HAS2: variants seen among roughly 807,000 people sequenced by gnomAD.
The protein encoded by HAS2 is HA synthase 2.
In HAS2, 16 loss-of-function variants were observed where a neutral mutation model predicts 51.6. The ratio of observed to expected loss-of-function variants is 0.31; its 90% CI spans 0.21 to 0.47. The LOEUF (loss-of-function observed/expected upper bound fraction) is 0.47, where lower values mean the gene tolerates loss of function less well. HAS2 is among the 20% of genes least tolerant of loss of function. The pLI, the probability that HAS2 is intolerant of heterozygous loss-of-function variation, is 1.00. For missense variants in HAS2, 361 were observed against 662.6 expected (o/e 0.54, Z 5.00); for synonymous variants, 228 against 235.5 (o/e 0.97, Z 0.29).
At chr8:121,624,845 C>T (rs1300315824) in intron 2 of HAS2, among the ~76,000 whole-genome samples, 1 of 152,112 alleles carries the variant, frequency 6.6e-6, no homozygotes, top group Non-Finnish European at 1.5e-5. Context: ...CCTGTAATCC[C>T]AGCACTTTGG....
intron 3 of HAS2, among the ~76,000 whole-genome samples, chr8:121,616,164 T>G (rs1020863331): frequency 2.0e-5 from 3 of 152,212 alleles, no homozygotes; most frequent in Non-Finnish European, 4.4e-5. Context: ...CACATATACA[T>G]TTTTCCATCC....
At chr8:121,622,963 T>C (rs369830864) in intron 2 of HAS2, among the ~76,000 whole-genome samples, 3 of 148,756 alleles carry the variant, frequency 2.0e-5, no homozygotes, top group African/African-American at 7.4e-5. Context: ...AAAAAAAAAA[T>C]AGTCCTCAAT....
In HAS2 at chr8:121,638,964, G is replaced by A. The variant is rs550185912; in HGVS notation, c.-1+1889C>T. ...ATATTTTAATTTTAAACCTGGCATC[G>A]TGTATGTAAATATGTGTTGACCTTT... On this transcript the variant is annotated intron_variant, in intron 1 of 3. Transcript: ENST00000303924. Among the ~76,000 whole-genome samples the A allele has an allele frequency of 2.6e-5, 4 of 152,232 alleles. No homozygotes were observed. In the South Asian group the frequency reaches 8.3e-4, roughly 32 times the overall value.
intron 1 of HAS2, among the ~76,000 whole-genome samples, chr8:121,637,808 A>G (rs1335027071): frequency 6.6e-6 from 1 of 152,094 alleles, no homozygotes; most frequent in Non-Finnish European, 1.5e-5. Flanking sequence ...CTGTCCCTCC[A>G]CTCTGTTGGC....
At chr8:121,629,403 A>C in intron 1 of HAS2, 63 bp from the exon 2 acceptor site, 1 of 1,279,036 alleles carries the variant, frequency 7.8e-7, no homozygotes, top group Non-Finnish European at 1.1e-6. Context: ...TTATATACCT[A>C]GTATCATGGG....
chr8:121,639,190 G>A (rs1349193023), intron 1 of HAS2: 1 of 152,206 alleles, frequency 6.6e-6, no homozygotes, highest in Non-Finnish European at 1.5e-5. Flanking sequence ...CTAACACTGA[G>A]CTGATGGTCT....
At chr8:121,636,331 A>T (rs928351494) in intron 1 of HAS2, among the ~76,000 whole-genome samples, 11 of 152,116 alleles carry the variant, frequency 7.2e-5, no homozygotes, top group African/African-American at 2.7e-4. Context: ...CAGTCTTCAC[A>T]TTACAGCACA....
chr8:121,616,561 A>G (rs962484218), intron 3 of HAS2, among the ~76,000 whole-genome samples: 1 of 151,190 alleles, frequency 6.6e-6, no homozygotes, highest in African/African-American at 2.4e-5. Context: ...TCAGCCTCCC[A>G]AGTAGCTGGG....
At chr8:121,638,369 C>G (rs1563625170) in intron 1 of HAS2, among the ~76,000 whole-genome samples, 1 of 151,946 alleles carries the variant, frequency 6.6e-6, no homozygotes, top group Non-Finnish European at 1.5e-5. Flanking sequence ...ATGCTAGTCA[C>G]TGATTTGTTA....
Position 121,629,224 on chromosome 8 carries a change from C to T in HAS2, c.117G>A (p.Thr39=), listed in dbSNP as rs768620366. 18 of 1,613,874 alleles carry T rather than the reference C, an allele frequency of 1.1e-5. No individual in the cohort carries two copies. In the Admixed American group the frequency reaches 1.5e-4, roughly 13 times the overall value. Residue 39 remains threonine (T), a synonymous_variant, in exon 2 of 4, where the codon ACG becomes ACA. Coordinates refer to ENST00000303924, the MANE Select transcript of HAS2 (RefSeq NM_005328.3). Reference sequence around the variant, plus strand: ...GTCCAAAAGAGAAATAGTAATTATCCGTTTGGATAAACTGGTAGCCAACAA... The same window carrying T: ...GTCCAAAAGAGAAATAGTAATTATCTGTTTGGATAAACTGGTAGCCAACAA... The part of the protein sequence containing the change: ...AYIVGYQFIQ[T]DNYYFSFGLY...
rs1390656272 is a variant in HAS2 at position 121,613,446 on chromosome 8, T to A, written c.*663A>T. The A allele has an allele frequency of 2.0e-5, 3 of 152,602 alleles. No individual in the cohort carries two copies. In the East Asian group the frequency reaches 5.8e-4, roughly 29 times the overall value. 9.5% of individuals were successfully genotyped at this position (152,602 alleles called of 1,614,324 possible). On this transcript the variant is annotated 3_prime_UTR_variant, in exon 4 of 4. Coordinates refer to ENST00000303924, the MANE Select transcript of HAS2 (RefSeq NM_005328.3). The stretch of plus-strand genomic sequence containing the variant: ...TTATTCTTTCTATCATGAACATCAG[T>A]CAACCAAGCTTCACATTTTGGGCAG...
At chr8:121,638,636 T>C (rs1264384249) in intron 1 of HAS2, among the ~76,000 whole-genome samples, 1 of 152,154 alleles carries the variant, frequency 6.6e-6, no homozygotes, top group East Asian at 1.9e-4. Flanking sequence ...AAACATAATA[T>C]ATAAACGCAA....
chr8:121,630,188 C>T (rs1812911938), intron 1 of HAS2, among the ~76,000 whole-genome samples: 9 of 152,010 alleles, frequency 5.9e-5, no homozygotes, highest in Admixed American at 5.9e-4. Flanking sequence ...ACAGTAAACA[C>T]AATAAATGTT....
At chr8:121,636,591 C>A (rs1337061075) in intron 1 of HAS2, among the ~76,000 whole-genome samples, 3 of 152,090 alleles carry the variant, frequency 2.0e-5, no homozygotes, top group Non-Finnish European at 4.4e-5. Flanking sequence ...TCCTTTGCAC[C>A]ATCTATATTA....
Position 121,613,691 on chromosome 8 carries a change from C to A in HAS2, c.*418G>T. The A allele has an allele frequency of 1.2e-5, 2 of 164,640 alleles. No individual in the cohort carries two copies. Among genetic ancestry groups the A allele is most frequent in the East Asian group, 1.7e-4 (1 of 5,868 alleles). The allele number at this position is 164,640 out of a possible 1,614,324, so 10.2% of individuals were successfully genotyped here. On this transcript the variant is annotated 3_prime_UTR_variant, in exon 4 of 4. Coordinates refer to ENST00000303924, the MANE Select transcript of HAS2 (RefSeq NM_005328.3). Reference sequence around the variant, plus strand: ...ATTTGGTAAAGTTAAAAAGAAAATCCTTCCTAAAAAAAAAAAATTATCATC... The same window carrying A: ...ATTTGGTAAAGTTAAAAAGAAAATCATTCCTAAAAAAAAAAAATTATCATC...
chr8:121,635,163 C>A (rs146753036), intron 1 of HAS2, among the ~76,000 whole-genome samples: 70 of 152,184 alleles, frequency 4.6e-4, no homozygotes, highest in African/African-American at 1.3e-3. Flanking sequence ...CCATCTACTA[C>A]CAATTTCAGA....
chr8:121,640,576 A>G (rs1813080174), intron 1 of HAS2, among the ~76,000 whole-genome samples: 1 of 152,044 alleles, frequency 6.6e-6, no homozygotes, highest in Non-Finnish European at 1.5e-5. Flanking sequence ...ACATCTGAGG[A>G]CGTGCAGCCT....
At chr8:121,636,603 T>TA (rs1410133590) in intron 1 of HAS2, among the ~76,000 whole-genome samples, 5 of 152,214 alleles carry the variant, frequency 3.3e-5, no homozygotes, top group Non-Finnish European at 7.3e-5. Flanking sequence ...TCTATATTAA[T>TA]AAATTATTTT....
At chr8:121,617,350 G>T in intron 2 of HAS2, 144 bp from the exon 3 acceptor site, 1 of 585,944 alleles carries the variant, frequency 1.7e-6, no homozygotes, top group Non-Finnish European at 3.0e-6. Context: ...GATAACAGAG[G>T]CCTTGTTATA....
Sources: allele counts gnomAD v4.1 joint callset (sites outside exome capture counted in the v4.1 genomes callset), GRCh38; gene constraint gnomAD v4.1.1; transcripts MANE v1.5; gene names NCBI Gene and HGNC (gene_info 2026-07-23, HGNC 2026-07-21).